VSNL1: variants seen among roughly 807,000 people sequenced by gnomAD.
The protein encoded by VSNL1 is visinin like 1.
In VSNL1, 6 loss-of-function variants were observed where a neutral mutation model predicts 20.4. The ratio of observed to expected loss-of-function variants is 0.29; its 90% CI spans 0.16 to 0.58. The LOEUF (loss-of-function observed/expected upper bound fraction) is 0.58. VSNL1 is among the 20% of genes least tolerant of loss of function. The pLI is 0.90. For synonymous variants in VSNL1, 93 were observed against 86.4 expected (o/e 1.08, Z -0.42); for missense variants, 100 against 234.5 (o/e 0.43, Z 3.75).
intron 2 of VSNL1, among the ~76,000 whole-genome samples, chr2:17,640,988 G>A (rs1384636383): frequency 2.0e-5 from 3 of 152,184 alleles, no homozygotes; most frequent in Non-Finnish European, 4.4e-5. Flanking sequence ...GAACATGCCT[G>A]GCTCTGGCTG....
At chr2:17,615,538 A>G (rs954984900) in intron 2 of VSNL1, among the ~76,000 whole-genome samples, 9 of 152,232 alleles carry the variant, frequency 5.9e-5, no homozygotes, top group Non-Finnish European at 8.8e-5. Flanking sequence ...ATTTCCTTGC[A>G]CTGGGCCTGT....
chr2:17,624,509 G>C (rs1252514251), intron 2 of VSNL1, among the ~76,000 whole-genome samples: 2 of 152,224 alleles, frequency 1.3e-5, no homozygotes, highest in Non-Finnish European at 1.5e-5. Context: ...TATAGGGAGA[G>C]CATTCTGTAT....
chr2:17,602,261 G>T (rs926239757), intron 2 of VSNL1, among the ~76,000 whole-genome samples: 1 of 152,184 alleles, frequency 6.6e-6, no homozygotes, highest in African/African-American at 2.4e-5. Context: ...GCCATTGACT[G>T]TTTCTCTCTG....
chr2:17,556,917 C>A (rs773994383), intron 1 of VSNL1, among the ~76,000 whole-genome samples: 7 of 152,150 alleles, frequency 4.6e-5, no homozygotes, highest in Non-Finnish European at 8.8e-5. Flanking sequence ...TGAGTTTAGT[C>A]ATTCAAGGTC....
At chr2:17,581,305 T>C (rs1664344196) in intron 1 of VSNL1, among the ~76,000 whole-genome samples, 2 of 152,326 alleles carry the variant, frequency 1.3e-5, no homozygotes, top group Non-Finnish European at 1.5e-5. Context: ...TGTCCTCAGG[T>C]AAGGGTTTAT....
chr2:17,584,022 C>T (rs1325961454), intron 1 of VSNL1, among the ~76,000 whole-genome samples: 1 of 152,136 alleles, frequency 6.6e-6, no homozygotes, highest in Non-Finnish European at 1.5e-5. Context: ...TCTCATTTAT[C>T]CTCACAACAA....
chr2:17,614,116 G>A (rs550230053), intron 2 of VSNL1, among the ~76,000 whole-genome samples: 10 of 152,326 alleles, frequency 6.6e-5, no homozygotes, highest in African/African-American at 1.9e-4. Context: ...GGGCCCTAGT[G>A]GGGAGGGCAT....
chr2:17,606,255 G>A (rs193286071), intron 2 of VSNL1, among the ~76,000 whole-genome samples: 2 of 152,228 alleles, frequency 1.3e-5, no homozygotes, highest in African/African-American at 2.4e-5. Flanking sequence ...TGACATAAAC[G>A]TCTGATATGG....
chr2:17,564,971 G>A (rs1180805513), intron 1 of VSNL1, among the ~76,000 whole-genome samples: 1 of 152,172 alleles, frequency 6.6e-6, no homozygotes, highest in Admixed American at 6.5e-5. Context: ...TAGCAATGGA[G>A]TATCAGAGAA....
chr2:17,651,916 G>A (rs993596335), intron 3 of VSNL1, among the ~76,000 whole-genome samples: 1 of 152,210 alleles, frequency 6.6e-6, no homozygotes, highest in Admixed American at 6.5e-5. Flanking sequence ...GCTGAGATTA[G>A]TTTTGACAGG....
chr2:17,541,608 C>T (rs531578445), intron 1 of VSNL1: 8 of 152,282 alleles, frequency 5.3e-5, no homozygotes. Flanking sequence ...GACTGTCAGA[C>T]CCAAACTAGT....
chr2:17,601,375 C>G (rs1256084844), intron 2 of VSNL1, among the ~76,000 whole-genome samples: 1 of 152,214 alleles, frequency 6.6e-6, no homozygotes, highest in African/African-American at 2.4e-5. Flanking sequence ...GTGGCTCACA[C>G]CTGTAATCCC....
intron 1 of VSNL1, among the ~76,000 whole-genome samples, chr2:17,571,138 T>C (rs1009197420): frequency 1.5e-4 from 23 of 152,200 alleles, no homozygotes; most frequent in African/African-American, 5.5e-4. Flanking sequence ...GGGAAAGAAA[T>C]AGACTTATGA....
chr2:17,579,679 T>C (rs527435044), intron 1 of VSNL1, among the ~76,000 whole-genome samples: 2 of 152,238 alleles, frequency 1.3e-5, no homozygotes, highest in East Asian at 3.9e-4. Flanking sequence ...GAAACCTAGC[T>C]CTGGTGCTTT....
At chr2:17,637,123 C>A (rs1665769813) in intron 2 of VSNL1, among the ~76,000 whole-genome samples, 1 of 152,164 alleles carries the variant, frequency 6.6e-6, no homozygotes, top group Non-Finnish European at 1.5e-5. Context: ...TCTTCCCCTC[C>A]CTTCCCCTTC....
At chr2:17,544,363 A>G (rs1229849375) in intron 1 of VSNL1, among the ~76,000 whole-genome samples, 1 of 152,196 alleles carries the variant, frequency 6.6e-6, no homozygotes, top group African/African-American at 2.4e-5. Context: ...ATACCCTTGC[A>G]GAATACCCAT....
chr2:17,551,620 A>G (rs1663538377), intron 1 of VSNL1, among the ~76,000 whole-genome samples: 1 of 152,198 alleles, frequency 6.6e-6, no homozygotes, highest in Non-Finnish European at 1.5e-5. Context: ...GGGTATTAGA[A>G]GAAATCCATG....
chr2:17,604,174 G>A (rs371602049), intron 2 of VSNL1, among the ~76,000 whole-genome samples: 1 of 152,226 alleles, frequency 6.6e-6, no homozygotes, highest in African/African-American at 2.4e-5. Context: ...AGGGTGTGGT[G>A]CAGGAGCTGA....
At chr2:17,623,714 A>G (rs1265496094) in intron 2 of VSNL1, among the ~76,000 whole-genome samples, 1 of 151,862 alleles carries the variant, frequency 6.6e-6, no homozygotes, top group Non-Finnish European at 1.5e-5. Flanking sequence ...CCTAGCATAT[A>G]TAAGAATGGA....
Sources: allele counts gnomAD v4.1 joint callset (sites outside exome capture counted in the v4.1 genomes callset), GRCh38; gene constraint gnomAD v4.1.1; transcripts MANE v1.5; gene names NCBI Gene and HGNC (gene_info 2026-07-23, HGNC 2026-07-21).